Variants in LTBP2 observed in about 807,000 individuals in gnomAD.
LTBP2 encodes latent transforming growth factor beta binding protein 2.
A neutral mutation model predicts 210.6 loss-of-function variants in LTBP2; 103 were observed. That is an observed-to-expected ratio of 0.49 (90% confidence interval 0.42 to 0.58). The LOEUF (loss-of-function observed/expected upper bound fraction) is 0.58, where lower values mean the gene tolerates loss of function less well. Among genes scored for constraint, LTBP2 ranks in the 20% least tolerant of loss-of-function variants. The pLI, the probability that LTBP2 is intolerant of heterozygous loss-of-function variation, is 0.00. For missense variants in LTBP2, 2,313 were observed against 2,494.5 expected, an observed-to-expected ratio of 0.93 and a Z score of 1.55; for synonymous variants, 1,007 against 1,015.0, an observed-to-expected ratio of 0.99 and a Z score of 0.15.
chr14:74,502,471 G>T (rs1352060338), intron 34 of LTBP2, 182 bp downstream of exon 34: 2 of 763,436 alleles, frequency 2.6e-6, no homozygotes, highest in Non-Finnish European at 4.5e-6. Flanking sequence ...TGACGGAGTT[G>T]TTAGGGTCGG....
At chr14:74,604,548 C>T (rs950831363) in intron 1 of LTBP2, among the ~76,000 whole-genome samples, 3 of 150,804 alleles carry the variant, frequency 2.0e-5, no homozygotes, top group Non-Finnish European at 4.4e-5. Context: ...CTTCCATCAA[C>T]TACTCCTTTT....
At chr14:74,601,760 C>T (rs1034363653) in intron 2 of LTBP2, among the ~76,000 whole-genome samples, 7 of 152,176 alleles carry the variant, frequency 4.6e-5, no homozygotes, top group African/African-American at 7.2e-5. Flanking sequence ...CGTTATCATA[C>T]GTTATCATAG....
chr14:74,505,946 C>T (rs1487386110), intron 28 of LTBP2, 102 bp downstream of exon 28: 6 of 1,509,662 alleles, frequency 4.0e-6, no homozygotes, highest in Middle Eastern at 1.7e-4. Context: ...GGCCCTGGCC[C>T]AGTGTCCCCC....
chr14:74,509,802 T>G lies in LTBP2; in HGVS notation c.3209A>C (p.Glu1070Ala). ...SCPTGLCLNT[E>A]GSFACSACEN... ...ACAGGCAGAGCAGGCGAAGGAGCCC[T>G]CCGTGTTGAGGCAGAGGCCTGTGGG... Residue 1070 changes from glutamate to alanine, a missense_variant, in exon 21 of 36, where the codon GAG becomes GCG. Around this residue, in one of 3 missense-constraint regions of LTBP2, gnomAD observed 1,867 missense variants for 1,976.9 expected, o/e 0.94. Coordinates refer to ENST00000261978, the MANE Select transcript of LTBP2 (RefSeq NM_000428.3). 6.2e-7 allele frequency: 1 copy of G among 1,613,908 alleles called. No individual in the cohort carries two copies. Among genetic ancestry groups the G allele is most frequent in the Non-Finnish European group, 8.5e-7 (1 of 1,179,984 alleles).
intron 3 of LTBP2, among the ~76,000 whole-genome samples, chr14:74,583,962 TGG>T (rs2088171102): frequency 6.6e-6 from 1 of 151,984 alleles, no homozygotes; most frequent in African/African-American, 2.4e-5. Flanking sequence ...GAGCAACACA[TGG>T]GGTGGTGCCC....
chr14:74,587,681 A>G (rs1168436109), intron 2 of LTBP2, among the ~76,000 whole-genome samples: 1 of 152,112 alleles, frequency 6.6e-6, no homozygotes, highest in Non-Finnish European at 1.5e-5. Context: ...AGACCCTGTC[A>G]TCTCAGGGAT....
In LTBP2 at chr14:74,555,597, C is replaced by T. The variant is rs1366560660; in HGVS notation, c.927G>A (p.Gln309=). 2 of 1,611,118 alleles carry T rather than the reference C, an allele frequency of 1.2e-6. No homozygotes were observed. ...RLHPTATASS[Q]LSSNALPPGP... ...CCGGGGGCAGGGCGTTGGAAGAGAG[C>T]TGGCTACTGGCCGTGGCAGTCGGGT... Residue 309 remains glutamine, a synonymous_variant, in exon 4 of 36, where the codon CAG becomes CAA. Transcript: ENST00000261978.
In LTBP2 at chr14:74,595,542, C is replaced by T. The variant is rs184027881; in HGVS notation, c.565+8093G>A. Among the ~76,000 whole-genome samples, 1,105 of 152,240 alleles carry T rather than the reference C, an allele frequency of 7.3e-3. 15 individuals carry two copies. Among genetic ancestry groups the T allele is most frequent in the African/African-American group, 0.026 (1,059 of 41,498 alleles). On this transcript the variant is annotated intron_variant, in intron 2 of 35. Coordinates refer to ENST00000261978, the MANE Select transcript of LTBP2 (RefSeq NM_000428.3). ...TGAGTCTTTTCCAGAGAAGCAGCTT[C>T]CAGGGGAGACAGTTCTAGGCTGGAG...
At position 74,503,469 on chromosome 14, in the gene LTBP2, C is replaced by T; in HGVS notation, c.4720G>A (p.Glu1574Lys). 1 of 1,610,912 alleles carries T rather than the reference C, an allele frequency of 6.2e-7. No individual in the cohort carries two copies. Among genetic ancestry groups the T allele is most frequent in the Non-Finnish European group, 8.5e-7 (1 of 1,179,414 alleles). Residue 1574 changes from glutamate to lysine, a missense_variant and splice_region_variant, in exon 32 of 36, where the codon GAG becomes AAG. Glu to Lys is a moderately conservative substitution (Grantham distance 56). Coordinates refer to ENST00000261978, the MANE Select transcript of LTBP2 (RefSeq NM_000428.3). ...QRCMNSTSST[E>K]DLPDHDIHMD... ...CTCCCCCACGCTCAGGCCCACTCAC[C>T]CGTGCTGCTGGTGCTGTTCATGCAG...
rs765564237 is a variant in LTBP2 at position 74,529,121 on chromosome 14, C to G, written c.1989G>C (p.Ser663=). The G allele has an allele frequency of 6.4e-7, 1 of 1,551,386 alleles. No individual in the cohort carries two copies. The highest frequency in any genetic ancestry group is 2.0e-5 in the Admixed American group (1 of 51,016). The stretch of plus-strand genomic sequence containing the variant: ...CCTGCAGCATGGAGATTGCCTTGTC[C>G]GCTGCAACAGACACAGCACGTGGAG... ...MLDPSRSRCV[S]DKAISMLQGL... The change falls in exon 11 of 36, where the codon TCG becomes TCC. Residue 663 remains serine (S), a splice_region_variant and synonymous_variant. Transcript: ENST00000261978.
chr14:74,510,482 T>C (rs2087056585), intron 19 of LTBP2, among the ~76,000 whole-genome samples: 1 of 152,244 alleles, frequency 6.6e-6, no homozygotes, highest in African/African-American at 2.4e-5. Context: ...GCCCTGGGGC[T>C]GGTTTGGCTC....
At chr14:74,557,512 C>T (rs1008439446) in intron 3 of LTBP2, among the ~76,000 whole-genome samples, 1 of 152,188 alleles carries the variant, frequency 6.6e-6, no homozygotes, top group Admixed American at 6.5e-5. Context: ...TCCCTTCTCT[C>T]CTTTAAAAAA....
Position 74,499,402 on chromosome 14 carries a change from T to A in LTBP2, c.*1482A>T, listed in dbSNP as rs2086886606. The A allele has an allele frequency of 4.5e-6, 1 of 224,040 alleles. No individual in the cohort carries two copies. The highest frequency in any genetic ancestry group is 2.2e-5 in the African/African-American group (1 of 44,844). 13.9% of individuals were successfully genotyped at this position (224,040 alleles called of 1,614,324 possible). A position where few individuals can be genotyped will look rare whatever the true frequency, so the allele number is the denominator to read the frequency against. Reference sequence around the variant, plus strand: ...AGGATTATTGGATAATTAAATGAAATGTATGTATGGCACTCAGCACAGTGC... The same window carrying A: ...AGGATTATTGGATAATTAAATGAAAAGTATGTATGGCACTCAGCACAGTGC... On this transcript the variant is annotated 3_prime_UTR_variant, in exon 36 of 36. Transcript: ENST00000261978.
At position 74,553,510 on chromosome 14, in the gene LTBP2, G is replaced by A. The variant is rs536417711; in HGVS notation, c.1022-448C>T. 4.6e-5 allele frequency among the ~76,000 whole-genome samples: 7 copies of A among 152,334 alleles called. No individual in the cohort carries two copies. In the South Asian group the frequency reaches 1.4e-3, roughly 32 times the overall value. On this transcript the variant is annotated intron_variant, in intron 4 of 35. Coordinates refer to ENST00000261978, the MANE Select transcript of LTBP2 (RefSeq NM_000428.3). ...AACAGAATGCAGCCCCAGCTTGCCA[G>A]AGAGGAGAGTTTTCTAAGAGAAGAG...
chr14:74,597,753 G>T (rs561325100), intron 2 of LTBP2, among the ~76,000 whole-genome samples: 8 of 152,260 alleles, frequency 5.3e-5, no homozygotes, highest in Admixed American at 5.2e-4. Context: ...TTCCACTGAG[G>T]TCATATAATT....
intron 34 of LTBP2, 169 bp downstream of exon 34, chr14:74,502,484 C>G: frequency 6.0e-6 from 5 of 840,120 alleles, no homozygotes; most frequent in South Asian, 1.4e-5. Flanking sequence ...AGGGTCGGAC[C>G]TGGGCGTATG....
intron 1 of LTBP2, among the ~76,000 whole-genome samples, chr14:74,607,274 CCA>C (rs2088539631): frequency 6.6e-6 from 1 of 152,174 alleles, no homozygotes; most frequent in Admixed American, 6.5e-5. Flanking sequence ...AGGGAACTTG[CCA>C]CAGAGTTGAG....
In LTBP2 at chr14:74,599,070, G is replaced by C. The variant is rs145704573; in HGVS notation, c.565+4565C>G. Among the ~76,000 whole-genome samples, 150 of 152,342 alleles carry C rather than the reference G, an allele frequency of 9.8e-4. 1 individual carries two copies. Among genetic ancestry groups the C allele is most frequent in the African/African-American group, 3.5e-3 (144 of 41,582 alleles). On this transcript the variant is annotated intron_variant, in intron 2 of 35. Coordinates refer to ENST00000261978, the MANE Select transcript of LTBP2 (RefSeq NM_000428.3). The stretch of plus-strand genomic sequence containing the variant: ...TAGAATGGTACCTGGTGCACAGTAA[G>C]AGCTATCGCGTTCATATCATTCATC...
chr14:74,503,095 C>A (rs2086933031), intron 33 of LTBP2, 124 bp downstream of exon 33: 2 of 1,508,688 alleles, frequency 1.3e-6, no homozygotes, highest in Admixed American at 3.4e-5. Context: ...CCCCAAACAG[C>A]AGGGATGGAA....
Sources: allele counts gnomAD v4.1 joint callset (sites outside exome capture counted in the v4.1 genomes callset), GRCh38; gene constraint gnomAD v4.1.1; regional missense constraint gnomAD v4.1.1; transcripts MANE v1.5; gene names NCBI Gene and HGNC (gene_info 2026-07-23, HGNC 2026-07-21).